Variants in GPC6 observed in about 807,000 individuals in gnomAD.
GPC6 encodes the protein glypican 6.
Under a neutral mutation model 55.2 loss-of-function variants are expected in GPC6, and 14 were observed. The ratio of observed to expected loss-of-function variants is 0.25; its 90% CI spans 0.17 to 0.40. GPC6 has a LOEUF of 0.40. Ranked by LOEUF, GPC6 falls within the 10% of genes least tolerant of loss-of-function variation. The pLI is 1.00. For synonymous variants in GPC6, 278 were observed against 259.6 expected (o/e 1.07, Z -0.68); for missense variants, 641 against 708.5 (o/e 0.90, Z 1.08).
At chr13:94,291,066 C>G (rs1420494135) in intron 5 of GPC6, among the ~76,000 whole-genome samples, 1 of 152,048 alleles carries the variant, frequency 6.6e-6, no homozygotes, top group African/African-American at 2.4e-5. Context: ...GTGGTGCATG[C>G]CTGTTAATCC....
chr13:93,218,170 CACAA>C, the GPC6 span, among the ~76,000 whole-genome samples: 385 of 149,772 alleles, frequency 2.6e-3, 2 homozygotes, highest in African/African-American at 8.7e-3. Context: ...TTTGCTTTCT[CACAA>C]ACATTTAATT....
intron 1 of GPC6, among the ~76,000 whole-genome samples, chr13:93,458,493 G>A (rs12871771): frequency 0.22 from 33,279 of 151,802 alleles, 3,788 homozygotes; most frequent in Middle Eastern, 0.29. Context: ...TGTTTCTCAC[G>A]GATACTCCAG....
At chr13:94,034,517 T>C (rs1021564645) in intron 4 of GPC6, among the ~76,000 whole-genome samples, 3 of 152,144 alleles carry the variant, frequency 2.0e-5, no homozygotes, top group African/African-American at 7.2e-5. Flanking sequence ...AAGCACAATT[T>C]CTATTTTGAA....
chr13:93,619,837 T>C (rs1878876577), intron 2 of GPC6, among the ~76,000 whole-genome samples: 1 of 152,200 alleles, frequency 6.6e-6, no homozygotes, highest in Admixed American at 6.6e-5. Flanking sequence ...ATTATTAGAA[T>C]GTACTTCCTA....
chr13:93,891,324 G>A (rs1311210731), intron 3 of GPC6, among the ~76,000 whole-genome samples: 5 of 152,236 alleles, frequency 3.3e-5, no homozygotes, highest in Middle Eastern at 3.4e-3. Flanking sequence ...TATTTCAAAC[G>A]TAGGTGAGGT....
chr13:93,771,661 A>G (rs149776267), intron 2 of GPC6, among the ~76,000 whole-genome samples: 25 of 152,254 alleles, frequency 1.6e-4, no homozygotes, highest in African/African-American at 4.3e-4. Context: ...AGCATGGCAC[A>G]TGTATACATA....
At chr13:94,369,613 T>C (rs1252674423) in intron 6 of GPC6, among the ~76,000 whole-genome samples, 1 of 152,228 alleles carries the variant, frequency 6.6e-6, no homozygotes, top group Non-Finnish European at 1.5e-5. Context: ...TCATGCTTTT[T>C]CCTTAAGCCA....
intron 1 of GPC6, among the ~76,000 whole-genome samples, chr13:93,249,669 TA>T (rs1171529878): frequency 6.6e-6 from 1 of 152,246 alleles, no homozygotes; most frequent in Non-Finnish European, 1.5e-5. Flanking sequence ...CAGCGCCTCA[TA>T]TTTCCACTTT....
At chr13:93,573,185 A>T (rs1876489882) in intron 2 of GPC6, among the ~76,000 whole-genome samples, 1 of 152,158 alleles carries the variant, frequency 6.6e-6, no homozygotes, top group South Asian at 2.1e-4. Flanking sequence ...TATTATATTC[A>T]GGGATACAGA....
chr13:94,269,404 G>A (rs759854545), intron 4 of GPC6, among the ~76,000 whole-genome samples: 21 of 152,114 alleles, frequency 1.4e-4, no homozygotes, highest in South Asian at 1.0e-3. Flanking sequence ...CTTCCTATTC[G>A]TTCTTGAAAG....
chr13:93,632,615 A>ATGTG (rs141057605), intron 2 of GPC6, among the ~76,000 whole-genome samples: 1 of 109,716 alleles, frequency 9.1e-6, no homozygotes, highest in Non-Finnish European at 2.2e-5. Flanking sequence ...GTGTATATAT[A>ATGTG]TGTATATATA....
chr13:93,666,929 T>C (rs1881162014), intron 2 of GPC6, among the ~76,000 whole-genome samples: 4 of 152,214 alleles, frequency 2.6e-5, no homozygotes, highest in Middle Eastern at 3.2e-3. Flanking sequence ...TTTTAATAAT[T>C]TATAATATAA....
chr13:93,347,728 A>C (rs2139159706), intron 1 of GPC6, among the ~76,000 whole-genome samples: 1 of 152,332 alleles, frequency 6.6e-6, no homozygotes, highest in African/African-American at 2.4e-5. Flanking sequence ...TTTCATAATC[A>C]TAACACAAGT....
At chr13:93,416,922 T>C (rs1458963158) in intron 1 of GPC6, among the ~76,000 whole-genome samples, 1 of 152,158 alleles carries the variant, frequency 6.6e-6, no homozygotes, top group Non-Finnish European at 1.5e-5. Flanking sequence ...TCAAGTCTAG[T>C]GCTTCTTTCC....
intron 2 of GPC6, among the ~76,000 whole-genome samples, chr13:93,611,747 CTT>C (rs1407929244): frequency 6.6e-6 from 1 of 152,130 alleles, no homozygotes; most frequent in African/African-American, 2.4e-5. Context: ...TAATACATAA[CTT>C]TGCTTTTATG....
At chr13:93,822,829 TTTATTA>T (rs530559267) in intron 2 of GPC6, among the ~76,000 whole-genome samples, 70 of 148,486 alleles carry the variant, frequency 4.7e-4, no homozygotes, top group South Asian at 3.8e-3. Context: ...CCACATTTTC[TTTATTA>T]TTATTATTAT....
At chr13:94,116,429 G>A (rs1886431186) in intron 4 of GPC6, among the ~76,000 whole-genome samples, 1 of 152,008 alleles carries the variant, frequency 6.6e-6, no homozygotes, top group South Asian at 2.1e-4. Context: ...GGGGACAGGG[G>A]ACCTTACATA....
chr13:93,554,010 T>C (rs966687968), intron 2 of GPC6, among the ~76,000 whole-genome samples: 1 of 145,734 alleles, frequency 6.9e-6, no homozygotes, highest in African/African-American at 2.6e-5. Flanking sequence ...TAGCCGGGTG[T>C]AGTGGTGCAG....
intron 2 of GPC6, among the ~76,000 whole-genome samples, chr13:93,806,327 C>T (rs1886540773): frequency 6.6e-6 from 1 of 151,956 alleles, no homozygotes; most frequent in Non-Finnish European, 1.5e-5. Flanking sequence ...TCACTTGCCA[C>T]AATTTTATTC....
Sources: gnomAD v4.1 joint callset for allele counts (sites outside exome capture counted in the v4.1 genomes callset) on GRCh38, gnomAD v4.1.1 for gene constraint, MANE v1.5 for transcripts, NCBI Gene and HGNC (gene_info 2026-07-23, HGNC 2026-07-21) for gene names.